CEP78: variants seen among roughly 807,000 people sequenced by gnomAD.
The protein encoded by CEP78 is centrosomal protein of 78 kDa.
In CEP78, 76 loss-of-function variants were observed where a neutral mutation model predicts 81.2. That is an observed-to-expected ratio of 0.94 (90% CI 0.78 to 1.13). The LOEUF is 1.13. Among genes scored for constraint, CEP78 ranks in the 50% most tolerant of loss-of-function variants. The pLI is 0.00. For synonymous variants in CEP78, 293 were observed against 301.4 expected, an observed-to-expected ratio of 0.97 and a Z score of 0.29; for missense variants, 918 against 846.8, an observed-to-expected ratio of 1.08 and a Z score of -1.04.
chr9:78,272,070 A>G lies in CEP78; in HGVS notation c.*1219A>G, dbSNP rs1827704067. On this transcript the variant is annotated 3_prime_UTR_variant, in exon 17 of 17. Transcript: ENST00000643273. ...GTAACTGGGATTACAGGCACACACC[A>G]CCATGCCTGGCTAATTTTTGTATTT... The G allele has an allele frequency of 6.6e-6, 1 of 151,708 alleles. No homozygotes were observed. Among genetic ancestry groups the G allele is most frequent in the Non-Finnish European group, 1.5e-5 (1 of 67,994 alleles). The allele number at this position is 151,708 out of a possible 1,614,324, so 9.4% of individuals were successfully genotyped here.
At chr9:78,261,862 A>G (rs1281864259) in intron 11 of CEP78, among the ~76,000 whole-genome samples, 1 of 152,180 alleles carries the variant, frequency 6.6e-6, no homozygotes, top group Non-Finnish European at 1.5e-5. Flanking sequence ...TGAAACATTA[A>G]AGAATTTGTA....
intron 11 of CEP78, among the ~76,000 whole-genome samples, chr9:78,262,535 C>A (rs144541455): frequency 2.5e-3 from 385 of 152,216 alleles, no homozygotes; most frequent in African/African-American, 9.0e-3. Context: ...TTTGCTGTTA[C>A]ATAATTCAGG....
chr9:78,264,204 C>G lies in CEP78; in HGVS notation c.1513C>G (p.Leu505Val). 6.3e-7 allele frequency: 1 copy of G among 1,584,632 alleles called. No individual in the cohort carries two copies. Among genetic ancestry groups the G allele is most frequent in the South Asian group, 1.1e-5 (1 of 87,192 alleles). ...TATAAATTTCTCTTTGTCTGAAGCC[C>G]TTCATGCACAGTCATTGACAAATAT... Reference protein sequence around the residue: ...RNINFSLSEALHAQSLTNMIL... With the variant: ...RNINFSLSEAVHAQSLTNMIL... The change falls in exon 13 of 17, where the codon CTT becomes GTT. Residue 505 changes from leucine (L) to valine (V), a missense_variant. Coordinates refer to ENST00000643273, the MANE Select transcript of CEP78 (RefSeq NM_001330691.3).
At chr9:78,266,811 TC>T in intron 16 of CEP78, 108 bp downstream of exon 16, 1 of 1,502,224 alleles carries the variant, frequency 6.7e-7, no homozygotes, top group South Asian at 1.4e-5. Context: ...GGAAACTAGT[TC>T]TTTGGTTAAT....
At chr9:78,244,211 C>T (rs1205659521) in intron 5 of CEP78, among the ~76,000 whole-genome samples, 3 of 149,984 alleles carry the variant, frequency 2.0e-5, no homozygotes, top group Admixed American at 1.3e-4. Context: ...GTAATCATAC[C>T]GCGCTGTAGC....
rs144991762 is a variant in CEP78, at chr9:78,260,474, A to G, written c.1381-2433A>G. ...TGTAATCCCAGCACTTTGGGAGGCC[A>G]AGGCAGGTGGATCATGAGTTCAGGA... On this transcript the variant is annotated intron_variant, in intron 11 of 16. Transcript: ENST00000643273. Among the ~76,000 whole-genome samples the G allele has an allele frequency of 2.6e-5, 4 of 152,166 alleles. No individual in the cohort carries two copies. In the East Asian group the frequency reaches 7.7e-4, roughly 29 times the overall value.
chr9:78,265,332 A>G (rs1310909394), intron 13 of CEP78, 40 bp from the exon 14 acceptor site: 6 of 1,507,318 alleles, frequency 4.0e-6, no homozygotes, highest in Non-Finnish European at 5.3e-6. Flanking sequence ...ATGTGCTTCT[A>G]GTAATCCTTG....
At chr9:78,267,069 T>C in intron 16 of CEP78, 1 of 1,079,712 alleles carries the variant, frequency 9.3e-7, no homozygotes, top group Admixed American at 2.7e-5. Context: ...ATGTTTTTAT[T>C]ATGGCATATG....
chr9:78,260,019 A>C (rs1453713888), intron 11 of CEP78, among the ~76,000 whole-genome samples: 2 of 152,194 alleles, frequency 1.3e-5, no homozygotes, highest in African/African-American at 4.8e-5. Flanking sequence ...GGTACACATA[A>C]ATGCTGGGGA....
At chr9:78,255,190 C>G (rs997882235) in intron 11 of CEP78, among the ~76,000 whole-genome samples, 2 of 152,040 alleles carry the variant, frequency 1.3e-5, no homozygotes, top group African/African-American at 4.8e-5. Context: ...ATATATTTTC[C>G]TTTCCTTAGA....
intron 16 of CEP78, among the ~76,000 whole-genome samples, chr9:78,270,364 C>T (rs1827664471): frequency 6.6e-6 from 1 of 152,092 alleles, no homozygotes; most frequent in East Asian, 1.9e-4. Flanking sequence ...AATTTTAGCC[C>T]TGCAAGTAAT....
chr9:78,276,232 CT>C lies in CEP78; in HGVS notation c.*5382del, dbSNP rs1409417630. ...GCAAGATTGAGTGAAGAGTAACTCA[CT>C]GTAGCTCACTAAATTAACAGATTAA... is the stretch of plus-strand genomic sequence containing the variant. On this transcript the variant is annotated 3_prime_UTR_variant, in exon 17 of 17. Coordinates refer to ENST00000643273, the MANE Select transcript of CEP78 (RefSeq NM_001330691.3). The C allele has an allele frequency of 6.6e-6, 1 of 152,198 alleles. No individual in the cohort carries two copies. The highest frequency in any genetic ancestry group is 2.4e-5 in the African/African-American group (1 of 41,448). 9.4% of individuals were successfully genotyped at this position (152,198 alleles called of 1,614,324 possible).
intron 16 of CEP78, among the ~76,000 whole-genome samples, chr9:78,268,680 CTTTTTTTTTTT>C (rs1221969870): frequency 1.5e-5 from 2 of 130,700 alleles, no homozygotes; most frequent in African/African-American, 2.9e-5. Context: ...GGTTTCTTTT[CTTTTTTTTTTT>C]TTTTTTTTTG....
chr9:78,238,084 C>T (rs1342372813), intron 1 of CEP78, among the ~76,000 whole-genome samples: 1 of 150,866 alleles, frequency 6.6e-6, no homozygotes, highest in Non-Finnish European at 1.5e-5. Flanking sequence ...GAGATTGCAC[C>T]GTTGCACTCC....
chr9:78,274,944 G>A lies in CEP78; in HGVS notation c.*4093G>A, dbSNP rs913478325. ...TAAGAAAGAGATAAACCAAAAGAAA[G>A]GTGAGGAATTGGTAAAAGCAGAAAT... is the stretch of plus-strand genomic sequence containing the variant. On this transcript the variant is annotated 3_prime_UTR_variant, in exon 17 of 17. Transcript: ENST00000643273. 2.0e-5 allele frequency: 3 copies of A among 151,992 alleles called. No individual in the cohort carries two copies. The highest frequency in any genetic ancestry group is 1.5e-5 in the Non-Finnish European group (1 of 67,982). The allele number at this position is 151,992 out of a possible 1,614,324, so 9.4% of individuals were successfully genotyped here.
chr9:78,260,756 T>C (rs933057805), intron 11 of CEP78, among the ~76,000 whole-genome samples: 1 of 151,494 alleles, frequency 6.6e-6, no homozygotes, highest in Non-Finnish European at 1.5e-5. Flanking sequence ...GATTCAGTGT[T>C]AAATGGAAGA....
intron 11 of CEP78, among the ~76,000 whole-genome samples, chr9:78,255,409 CT>C (rs1323809650): frequency 1.3e-5 from 2 of 151,826 alleles, no homozygotes; most frequent in Non-Finnish European, 2.9e-5. Flanking sequence ...AGTAATTATC[CT>C]TTTTTTATAT....
At chr9:78,239,980 T>A in intron 1 of CEP78, 43 bp from the exon 2 acceptor site, 1 of 1,454,982 alleles carries the variant, frequency 6.9e-7, no homozygotes, top group Non-Finnish European at 9.2e-7. Flanking sequence ...GAATGATACA[T>A]TGTATGATTG....
rs1469543974 is a variant in CEP78, at chr9:78,265,449, C to G, written c.1703C>G (p.Thr568Ser). ...QLLGHPQMTSTVSNPPKEEKK... is the reference protein window; with the variant it reads ...QLLGHPQMTSSVSNPPKEEKK... ...CTAGGTCATCCCCAGATGACTTCTACTGTTAGTAATCCACCTAAAGAAGAA... is the reference window on the plus strand; with the variant it reads ...CTAGGTCATCCCCAGATGACTTCTAGTGTTAGTAATCCACCTAAAGAAGAA... Residue 568 changes from threonine to serine, a missense_variant, in exon 14 of 17, where the codon ACT becomes AGT. Thr to Ser is a moderately conservative substitution (Grantham distance 58, BLOSUM62 1). Coordinates refer to ENST00000643273, the MANE Select transcript of CEP78 (RefSeq NM_001330691.3). 1 of 1,599,286 alleles carries G rather than the reference C, an allele frequency of 6.3e-7. No individual in the cohort carries two copies. The highest frequency in any genetic ancestry group is 8.5e-7 in the Non-Finnish European group (1 of 1,172,548).
Sources: gnomAD v4.1 joint callset for allele counts (sites outside exome capture counted in the v4.1 genomes callset) on GRCh38, gnomAD v4.1.1 for gene constraint, MANE v1.5 for transcripts, NCBI Gene and HGNC (gene_info 2026-07-23, HGNC 2026-07-21) for gene names.